Variants in ANKRD36 observed in about 807,000 individuals in gnomAD.
The protein encoded by ANKRD36 is ankyrin repeat domain-containing protein 36A.
Under a neutral mutation model 278.1 loss-of-function variants are expected in ANKRD36, and 179 were observed. That is an observed-to-expected ratio of 0.64 (90% CI 0.57 to 0.73). The LOEUF is 0.73. Ranked by LOEUF, ANKRD36 falls within the 30% of genes least tolerant of loss-of-function variation. ANKRD36 has a pLI of 0.00. For synonymous variants in ANKRD36, 320 were observed against 641.1 expected (o/e 0.50, Z 7.57); for missense variants, 1,159 against 1,956.7 (o/e 0.59, Z 7.69).
At chr2:97,203,991 T>G (rs1463494333) in intron 48 of ANKRD36, 77 bp from the exon 49 acceptor site, 118 of 1,530,058 alleles carry the variant, frequency 7.7e-5, no homozygotes, top group Non-Finnish European at 1.0e-4. Context: ...CAGAGGCTGA[T>G]GCTAACACTG....
At chr2:97,146,764 A>G (rs1460293217) in intron 11 of ANKRD36, among the ~76,000 whole-genome samples, 6 of 151,572 alleles carry the variant, frequency 4.0e-5, no homozygotes, top group Non-Finnish European at 2.9e-5. Flanking sequence ...CAGGTAGCCA[A>G]CCGATGATTT....
intron 11 of ANKRD36, among the ~76,000 whole-genome samples, chr2:97,148,412 C>T (rs2044912833): frequency 6.6e-6 from 1 of 152,310 alleles, no homozygotes; most frequent in Admixed American, 6.5e-5. Context: ...CAGATCCCTG[C>T]AGAAGAGGGA....
chr2:97,200,475 CT>C lies in ANKRD36; in HGVS notation c.2812del (p.Ser938ArgfsTer3). On this transcript the variant is annotated frameshift_variant, in exon 46 of 76. Coordinates refer to ENST00000420699, the MANE Select transcript of ANKRD36 (RefSeq NM_001354587.1). LOFTEE classifies it high-confidence loss of function. ...SLEATSDEKD[S>X]FSNITREKKD... ...CAGGCCACAAGTGATGAGAAGGATT[CT>C]TTTTCGAATATAACCAGAGAAAAAA... 6.3e-7 allele frequency: 1 copy of C among 1,588,162 alleles called. No homozygotes were observed.
At chr2:97,158,530 A>G in intron 16 of ANKRD36, 58 bp from the exon 17 acceptor site, 3 of 1,520,716 alleles carry the variant, frequency 2.0e-6, no homozygotes, top group Non-Finnish European at 2.6e-6. Context: ...CCCGGTTCTT[A>G]TTTCTTGATT....
chr2:97,225,425 A>G (rs905080349), intron 67 of ANKRD36, among the ~76,000 whole-genome samples: 1 of 152,046 alleles, frequency 6.6e-6, no homozygotes, highest in Admixed American at 6.6e-5. Context: ...GCAGAATGGC[A>G]CCTTTGGTAT....
intron 28 of ANKRD36, among the ~76,000 whole-genome samples, chr2:97,184,845 C>T (rs1365318348): frequency 6.6e-6 from 1 of 151,768 alleles, no homozygotes; most frequent in African/African-American, 2.4e-5. Context: ...GTACATTCAT[C>T]TGAAGTGTCA....
intron 17 of ANKRD36, among the ~76,000 whole-genome samples, chr2:97,160,457 A>T (rs2048592112): frequency 6.6e-6 from 1 of 152,134 alleles, no homozygotes; most frequent in Non-Finnish European, 1.5e-5. Flanking sequence ...TACCTTGCAC[A>T]TAAATTTATT....
intron 32 of ANKRD36, among the ~76,000 whole-genome samples, chr2:97,187,707 A>G (rs2057732751): frequency 6.6e-6 from 1 of 151,854 alleles, no homozygotes; most frequent in African/African-American, 2.4e-5. Context: ...ATTCTACAGC[A>G]TGGTTTCACT....
chr2:97,117,259 T>TGA (rs2035704258), intron 1 of ANKRD36, among the ~76,000 whole-genome samples: 1 of 151,668 alleles, frequency 6.6e-6, no homozygotes. Context: ...TTTTTTTTTT[T>TGA]AAATTGAAGT....
intron 42 of ANKRD36, among the ~76,000 whole-genome samples, chr2:97,198,163 G>A (rs1478136967): frequency 6.6e-6 from 1 of 151,908 alleles, no homozygotes; most frequent in Non-Finnish European, 1.5e-5. Context: ...TCTGATTTTA[G>A]ATCACTTTGT....
chr2:97,214,036 GAGACCACTGATAT>G (rs1312042551), intron 60 of ANKRD36, among the ~76,000 whole-genome samples: 177 of 151,558 alleles, frequency 1.2e-3, no homozygotes, highest in Middle Eastern at 3.4e-3. Context: ...GAGAACTAAG[GAGACCACTGATAT>G]AGCAATGATT....
intron 42 of ANKRD36, among the ~76,000 whole-genome samples, chr2:97,197,829 G>C (rs560070556): frequency 6.6e-6 from 1 of 151,824 alleles, no homozygotes; most frequent in Non-Finnish European, 1.5e-5. Context: ...AGAAAATTTC[G>C]GAAGGCTAAA....
At chr2:97,115,426 T>C (rs915846924) in intron 1 of ANKRD36, among the ~76,000 whole-genome samples, 1 of 151,992 alleles carries the variant, frequency 6.6e-6, no homozygotes, top group Non-Finnish European at 1.5e-5. Flanking sequence ...AAAATCCAGT[T>C]TATAAGAAAA....
chr2:97,206,061 A>C lies in ANKRD36; in HGVS notation c.3091-2A>C, dbSNP rs548803792. The C allele has an allele frequency of 1.9e-6, 3 of 1,550,270 alleles. No homozygotes were observed. The highest frequency in any genetic ancestry group is 4.8e-5 in the East Asian group (2 of 41,510). ...TATTATTTTGTTTCAAATTCCATTCAGGCTACAAGTGATGAGGAAGATTCT... is the reference window on the plus strand; with the variant it reads ...TATTATTTTGTTTCAAATTCCATTCCGGCTACAAGTGATGAGGAAGATTCT... On this transcript the variant is annotated splice_acceptor_variant, in intron 51 of 75. Coordinates refer to ENST00000420699, the MANE Select transcript of ANKRD36 (RefSeq NM_001354587.1). LOFTEE classifies it high-confidence loss of function.
intron 64 of ANKRD36, among the ~76,000 whole-genome samples, chr2:97,217,602 A>G (rs1358813870): frequency 2.6e-5 from 4 of 151,032 alleles, no homozygotes; most frequent in South Asian, 4.3e-4. Flanking sequence ...TAGAAGAACC[A>G]TTGGAAAACA....
intron 22 of ANKRD36, among the ~76,000 whole-genome samples, chr2:97,174,741 A>G (rs2053725112): frequency 6.6e-6 from 1 of 151,906 alleles, no homozygotes; most frequent in African/African-American, 2.4e-5. Context: ...TTGCCCATTC[A>G]GTATGATATT....
chr2:97,211,604 T>C (rs1264975992), intron 57 of ANKRD36, 30 bp downstream of exon 57: 2 of 1,603,978 alleles, frequency 1.2e-6, no homozygotes, highest in Non-Finnish European at 1.7e-6. Flanking sequence ...TATTTTGAAC[T>C]ATTAACTGTA....
At chr2:97,124,071 C>T (rs2153416614) in intron 4 of ANKRD36, among the ~76,000 whole-genome samples, 1 of 150,888 alleles carries the variant, frequency 6.6e-6, no homozygotes, top group Non-Finnish European at 1.5e-5. Flanking sequence ...TTGTTTTAAG[C>T]CTGCAGATAG....
intron 66 of ANKRD36, among the ~76,000 whole-genome samples, chr2:97,220,146 G>A (rs1236074488): frequency 5.5e-5 from 8 of 144,926 alleles, no homozygotes; most frequent in Non-Finnish European, 1.0e-4. Flanking sequence ...TTATGGAGTA[G>A]ATGAGATAGT....
Sources: gnomAD v4.1 joint callset for allele counts (sites outside exome capture counted in the v4.1 genomes callset) on GRCh38, gnomAD v4.1.1 for gene constraint, MANE v1.5 for transcripts, NCBI Gene and HGNC (gene_info 2026-07-23, HGNC 2026-07-21) for gene names.